Variants in NUP58 observed in about 807,000 individuals in gnomAD.
NUP58 encodes nucleoporin 58.
NUP58 carries 17 observed loss-of-function variants against 70.1 expected under a neutral mutation model. That is an observed-to-expected ratio of 0.24 (90% CI 0.17 to 0.36). The LOEUF is 0.36. Among genes scored for constraint, NUP58 ranks in the 10% least tolerant of loss-of-function variants. NUP58 has a pLI of 1.00. For missense variants in NUP58, 644 were observed against 701.5 expected (o/e 0.92, Z 0.93); for synonymous variants, 275 against 257.6 (o/e 1.07, Z -0.65).
rs371549937 is a variant in NUP58 at position 25,312,992 on chromosome 13, C to T, written c.396C>T (p.Ser132=). The T allele has an allele frequency of 1.1e-5, 17 of 1,613,996 alleles. No individual in the cohort carries two copies. Among genetic ancestry groups the T allele is most frequent in the South Asian group, 8.8e-5 (8 of 91,084 alleles). ...TACCTATTACCTCTACCTCAGCTAG[C>T]GGTCTGACTCTTTCGTCTGCTCTGA... ...FALPITSTSA[S]GLTLSSALTS... is the part of the protein sequence containing the mutation. Residue 132 remains serine, a synonymous_variant, in exon 4 of 16, where the codon AGC becomes AGT. Coordinates refer to ENST00000381736, the MANE Select transcript of NUP58 (RefSeq NM_014089.4).
At chr13:25,308,044 A>C in intron 2 of NUP58, 96 bp downstream of exon 2, 1 of 1,370,850 alleles carries the variant, frequency 7.3e-7, no homozygotes, top group Non-Finnish European at 9.9e-7. Flanking sequence ...CATCACTGGT[A>C]GTAGACCTTA....
intron 6 of NUP58, among the ~76,000 whole-genome samples, chr13:25,318,909 G>A (rs1010224292): frequency 6.6e-6 from 1 of 152,182 alleles, no homozygotes; most frequent in Non-Finnish European, 1.5e-5. Flanking sequence ...AGTTAAACTG[G>A]TAGGCAACAA....
Position 25,307,957 on chromosome 13 carries a change from G to C in NUP58, c.250+9G>C, listed in dbSNP as rs1267400515. 1.9e-6 allele frequency: 3 copies of C among 1,612,612 alleles called. No homozygotes were observed. Among genetic ancestry groups the C allele is most frequent in the Admixed American group, 1.7e-5 (1 of 59,758 alleles). On this transcript the variant is annotated intron_variant, in intron 2 of 15. Transcript: ENST00000381736. Reference sequence around the variant, plus strand: ...AGGAGGAACAAATACAGGTGAGGAGGATCTGATCACATTGTCAGAGAGTAG... The same window carrying C: ...AGGAGGAACAAATACAGGTGAGGAGCATCTGATCACATTGTCAGAGAGTAG...
At chr13:25,311,673 CTTTTT>C (rs149489423) in intron 3 of NUP58, among the ~76,000 whole-genome samples, 1 of 121,960 alleles carries the variant, frequency 8.2e-6, no homozygotes, top group South Asian at 2.7e-4. Context: ...CGGCACCTGT[CTTTTT>C]TTTTTTTTTT....
chr13:25,322,430 G>C (rs1358055733), intron 9 of NUP58, among the ~76,000 whole-genome samples: 2 of 152,182 alleles, frequency 1.3e-5, no homozygotes, highest in African/African-American at 4.8e-5. Flanking sequence ...GGTTAAATAT[G>C]AATGTAATAC....
intron 13 of NUP58, 24 bp from the exon 14 acceptor site, chr13:25,336,912 A>ATTTTTTTT: frequency 1.6e-6 from 2 of 1,256,620 alleles, no homozygotes; most frequent in Non-Finnish European, 1.1e-6. Flanking sequence ...TTTCCCCCCC[A>ATTTTTTTT]TTTTTTTTTT....
At chr13:25,333,991 T>C (rs2031698737) in intron 13 of NUP58, 1 of 985,272 alleles carries the variant, frequency 1.0e-6, no homozygotes, top group Non-Finnish European at 1.2e-6. Context: ...CTTCTGTATC[T>C]TTCTCAGAGG....
At chr13:25,314,770 C>A (rs1292355744) in intron 5 of NUP58, among the ~76,000 whole-genome samples, 1 of 152,124 alleles carries the variant, frequency 6.6e-6, no homozygotes, top group South Asian at 2.1e-4. Flanking sequence ...GCTTGACTCA[C>A]AAGTGTACGT....
intron 6 of NUP58, among the ~76,000 whole-genome samples, chr13:25,318,824 A>G (rs532808425): frequency 2.0e-5 from 3 of 152,188 alleles, no homozygotes; most frequent in African/African-American, 7.2e-5. Context: ...GGATTGTCAG[A>G]TTGGAGAAGT....
chr13:25,329,087 T>A (rs1261172984), intron 12 of NUP58, among the ~76,000 whole-genome samples: 5 of 152,188 alleles, frequency 3.3e-5, no homozygotes, highest in South Asian at 2.1e-4. Flanking sequence ...TTATCAGATT[T>A]AAAAAAATTC....
downstream of NUP58, among the ~76,000 whole-genome samples, chr13:25,345,323 A>G (rs1260695848): frequency 6.6e-6 from 1 of 152,194 alleles, no homozygotes; most frequent in Non-Finnish European, 1.5e-5. Context: ...TTTCATGACT[A>G]ACTGAAAGGC....
At chr13:25,316,135 T>C (rs2030919026) in intron 6 of NUP58, among the ~76,000 whole-genome samples, 1 of 152,176 alleles carries the variant, frequency 6.6e-6, no homozygotes, top group Admixed American at 6.5e-5. Flanking sequence ...ACTCTTAGTG[T>C]ATAGTTTGTG....
At chr13:25,346,310 CCACT>C (rs2032050032), downstream of NUP58, among the ~76,000 whole-genome samples, 1 of 152,082 alleles carries the variant, frequency 6.6e-6, no homozygotes, top group Non-Finnish European at 1.5e-5. Context: ...AATAATATCA[CCACT>C]CAACTAGCAA....
intron 1 of NUP58, chr13:25,302,875 A>G (rs990835860): frequency 2.3e-6 from 1 of 442,376 alleles, no homozygotes; most frequent in Non-Finnish European, 4.5e-6. Flanking sequence ...CTCGCTCAAC[A>G]ACAGGTTCTG....
intron 13 of NUP58, chr13:25,334,717 T>G (rs545085580): frequency 2.2e-4 from 219 of 980,370 alleles, no homozygotes; most frequent in Non-Finnish European, 2.5e-4. Flanking sequence ...AGCACTTTAG[T>G]CCTTTTTCTG....
intron 3 of NUP58, chr13:25,310,087 G>A (rs537364558): frequency 6.1e-6 from 2 of 328,066 alleles, no homozygotes; most frequent in South Asian, 4.8e-5. Flanking sequence ...CTGTTGCCCA[G>A]GCTGGAGTGC....
At chr13:25,337,955 T>C (rs899045380) in intron 14 of NUP58, among the ~76,000 whole-genome samples, 2 of 152,186 alleles carry the variant, frequency 1.3e-5, no homozygotes, top group Non-Finnish European at 2.9e-5. Context: ...TGGAAACTAG[T>C]CTTCAAGTAC....
intron 9 of NUP58, among the ~76,000 whole-genome samples, chr13:25,323,611 C>T (rs559436473): frequency 6.6e-6 from 1 of 152,194 alleles, no homozygotes; most frequent in African/African-American, 2.4e-5. Flanking sequence ...CAAAGAAAGC[C>T]TTTCTGGGAA....
chr13:25,346,971 G>C (rs2032058079), downstream of NUP58, among the ~76,000 whole-genome samples: 1 of 151,886 alleles, frequency 6.6e-6, no homozygotes. Context: ...CAAATGCTTG[G>C]GACAAGAAGT....
Sources: allele counts gnomAD v4.1 joint callset (sites outside exome capture counted in the v4.1 genomes callset), GRCh38; gene constraint gnomAD v4.1.1; transcripts MANE v1.5; gene names NCBI Gene and HGNC (gene_info 2026-07-23, HGNC 2026-07-21).